Variants in CAMK1D observed in about 807,000 individuals in gnomAD.
CAMK1D encodes the protein calcium/calmodulin-dependent protein kinase type 1D.
Under a neutral mutation model 47.7 loss-of-function variants are expected in CAMK1D, and 9 were observed. The ratio of observed to expected loss-of-function variants is 0.19; its 90% CI spans 0.11 to 0.33. The LOEUF is 0.33. CAMK1D is among the 10% of genes least tolerant of loss of function. The pLI, the probability that CAMK1D is intolerant of heterozygous loss-of-function variation, is 1.00. For missense variants in CAMK1D, 291 were observed against 488.7 expected (o/e 0.60, Z 3.81); for synonymous variants, 184 against 184.9 (o/e 0.99, Z 0.04).
rs557478919 is a variant in CAMK1D at position 12,751,167 on chromosome 10, G to A, written c.300-9781G>A. On this transcript the variant is annotated intron_variant, in intron 3 of 10. Transcript: ENST00000619168. ...TTCTTTCGTGAGCTTCATGCTGCAT[G>A]CTTTGAGAATTTACATGGCTGCTTA... Among the ~76,000 whole-genome samples the A allele has an allele frequency of 3.3e-5, 5 of 152,198 alleles. No individual in the cohort carries two copies. In the South Asian group the frequency reaches 1.0e-3, roughly 32 times the overall value.
intron 1 of CAMK1D, among the ~76,000 whole-genome samples, chr10:12,541,846 C>CCTTCCTTCCTT (rs1009442608): frequency 1.5e-4 from 15 of 100,680 alleles, no homozygotes; most frequent in African/African-American, 3.3e-4. Context: ...GTTTTATCTT[C>CCTTCCTTCCTT]CTTCCTTCCT....
At position 12,420,948 on chromosome 10, in the gene CAMK1D, A is replaced by G. The variant is rs148118498; in HGVS notation, c.92+71038A>G. Among the ~76,000 whole-genome samples, 1,183 of 152,226 alleles carry G rather than the reference A, an allele frequency of 7.8e-3. 11 individuals carry two copies. The highest frequency in any genetic ancestry group is 0.013 in the Non-Finnish European group (869 of 68,008). On this transcript the variant is annotated intron_variant, in intron 1 of 10. Transcript: ENST00000619168. ...TTCTGTGAGCTCGCCTCTTCCTTTT[A>G]TCTGGGAGAGAGACAGGTGTATTGC... is the stretch of plus-strand genomic sequence containing the variant.
chr10:12,675,881 C>G (rs2132588989), intron 3 of CAMK1D, among the ~76,000 whole-genome samples: 1 of 152,340 alleles, frequency 6.6e-6, no homozygotes, highest in Non-Finnish European at 1.5e-5. Context: ...CAGGCCAGTA[C>G]TGCCACAGGG....
intron 2 of CAMK1D, among the ~76,000 whole-genome samples, chr10:12,580,660 C>T (rs942305713): frequency 6.6e-6 from 1 of 152,298 alleles, no homozygotes; most frequent in South Asian, 2.1e-4. Context: ...TCATGGAGAA[C>T]CACATCCTGT....
At chr10:12,622,278 T>G (rs2132441435) in intron 2 of CAMK1D, among the ~76,000 whole-genome samples, 1 of 152,268 alleles carries the variant, frequency 6.6e-6, no homozygotes, top group South Asian at 2.1e-4. Flanking sequence ...GGTTGTTGTC[T>G]GCAAGTTTGT....
chr10:12,601,828 C>T (rs1018484755), intron 2 of CAMK1D, among the ~76,000 whole-genome samples: 4 of 152,198 alleles, frequency 2.6e-5, no homozygotes, highest in Non-Finnish European at 5.9e-5. Context: ...CTTTCTTCTC[C>T]CCTGCAGAAT....
At chr10:12,479,638 C>G (rs1478961947) in intron 1 of CAMK1D, among the ~76,000 whole-genome samples, 1 of 152,236 alleles carries the variant, frequency 6.6e-6, no homozygotes, top group African/African-American at 2.4e-5. Flanking sequence ...CTGTCTCTCG[C>G]CCCACAGGTG....
At chr10:12,557,752 G>A (rs951553337) in intron 2 of CAMK1D, among the ~76,000 whole-genome samples, 3 of 151,942 alleles carry the variant, frequency 2.0e-5, no homozygotes, top group Non-Finnish European at 2.9e-5. Flanking sequence ...TTATTTCCAC[G>A]CTATTTTCCA....
rs180786135 is a variant in CAMK1D at position 12,405,380 on chromosome 10, G to A, written c.92+55470G>A. On this transcript the variant is annotated intron_variant, in intron 1 of 10. Transcript: ENST00000619168. The stretch of plus-strand genomic sequence containing the variant: ...ACAGTTGCACTCATCAGCGAGCCTC[G>A]GAGTCATGTTCTTTATGGGTGACAC... Among the ~76,000 whole-genome samples the A allele has an allele frequency of 1.7e-3, 257 of 152,256 alleles. 1 individual carries two copies. Among genetic ancestry groups the A allele is most frequent in the Admixed American group, 3.7e-3 (56 of 15,290 alleles).
intron 1 of CAMK1D, among the ~76,000 whole-genome samples, chr10:12,423,405 C>T (rs1237886919): frequency 6.6e-6 from 1 of 152,086 alleles, no homozygotes. Flanking sequence ...GTCCTTGTTG[C>T]CTAGGAGGCT....
chr10:12,786,148 G>C (rs903498666), intron 5 of CAMK1D, among the ~76,000 whole-genome samples: 2 of 152,080 alleles, frequency 1.3e-5, no homozygotes, highest in Non-Finnish European at 2.9e-5. Flanking sequence ...TTAGGGTATG[G>C]GTGTGTGTGC....
At chr10:12,742,543 C>T (rs757096673) in intron 3 of CAMK1D, among the ~76,000 whole-genome samples, 2 of 152,174 alleles carry the variant, frequency 1.3e-5, no homozygotes, top group Admixed American at 6.5e-5. Flanking sequence ...AGTTTCAGAA[C>T]GTTTTCATCA....
rs550553721 is a variant in CAMK1D at position 12,746,596 on chromosome 10, G to A, written c.300-14352G>A. ...TCTTTCTTGCTTCCCTGACCTTGCC[G>A]TCTCTCCTGTTCTACTTCTCATTCC... On this transcript the variant is annotated intron_variant, in intron 3 of 10. Transcript: ENST00000619168. Among the ~76,000 whole-genome samples the A allele has an allele frequency of 6.6e-5, 10 of 152,224 alleles. No individual in the cohort carries two copies. The South Asian group carries it at 1.5e-3, about 22-fold the overall frequency.
At chr10:12,547,821 T>C (rs144822384) in intron 1 of CAMK1D, among the ~76,000 whole-genome samples, 23 of 152,354 alleles carry the variant, frequency 1.5e-4, no homozygotes, top group African/African-American at 5.5e-4. Flanking sequence ...TTCTATTTAT[T>C]GTGGGAACAA....
At chr10:12,741,783 C>T (rs939796329) in intron 3 of CAMK1D, among the ~76,000 whole-genome samples, 2 of 152,176 alleles carry the variant, frequency 1.3e-5, no homozygotes, top group African/African-American at 2.4e-5. Context: ...GGCCACAGAG[C>T]AGGCTCAGCA....
At chr10:12,633,917 G>T (rs1839446702) in intron 2 of CAMK1D, among the ~76,000 whole-genome samples, 1 of 152,192 alleles carries the variant, frequency 6.6e-6, no homozygotes, top group African/African-American at 2.4e-5. Context: ...TGACCCTTTT[G>T]CAGTGGTTTG....
chr10:12,496,123 A>G (rs994743455), intron 1 of CAMK1D, among the ~76,000 whole-genome samples: 1 of 152,020 alleles, frequency 6.6e-6, no homozygotes, highest in African/African-American at 2.4e-5. Context: ...TGCCCAGCCT[A>G]TGTGTGTGTT....
intron 1 of CAMK1D, among the ~76,000 whole-genome samples, chr10:12,534,029 G>A (rs1003926164): frequency 2.0e-5 from 3 of 152,130 alleles, no homozygotes; most frequent in Non-Finnish European, 4.4e-5. Flanking sequence ...CAAGCTTCAC[G>A]GGATAAGTTG....
chr10:12,575,965 C>T (rs963358183), intron 2 of CAMK1D, among the ~76,000 whole-genome samples: 7 of 152,196 alleles, frequency 4.6e-5, no homozygotes, highest in Non-Finnish European at 7.3e-5. Context: ...CAGATTTCTG[C>T]TCCTGGGAGT....
Sources: gnomAD v4.1 joint callset for allele counts (sites outside exome capture counted in the v4.1 genomes callset) on GRCh38, gnomAD v4.1.1 for gene constraint, MANE v1.5 for transcripts, NCBI Gene and HGNC (gene_info 2026-07-23, HGNC 2026-07-21) for gene names.